MAPK4: variants seen among roughly 807,000 people sequenced by gnomAD.
MAPK4 encodes Erk3-related.
In MAPK4, 22 loss-of-function variants were observed where a neutral mutation model predicts 47.7. The ratio of observed to expected loss-of-function variants is 0.46; its 90% CI spans 0.33 to 0.66. The LOEUF (loss-of-function observed/expected upper bound fraction) is 0.66, where lower values mean the gene tolerates loss of function less well. Ranked by LOEUF, MAPK4 falls within the 30% of genes least tolerant of loss-of-function variation. The pLI, the probability that MAPK4 is intolerant of heterozygous loss-of-function variation, is 0.02. For missense variants in MAPK4, 736 were observed against 831.7 expected (o/e 0.88, Z 1.42); for synonymous variants, 390 against 365.7 (o/e 1.07, Z -0.76).
chr18:50,655,672 A>G (rs1302008465), intron 1 of MAPK4, among the ~76,000 whole-genome samples: 2 of 152,114 alleles, frequency 1.3e-5, no homozygotes, highest in African/African-American at 4.8e-5. Context: ...GCTGAGTCTC[A>G]ATGGTAAAGA....
chr18:50,708,181 T>TA (rs35690167), intron 2 of MAPK4, among the ~76,000 whole-genome samples: 17,981 of 152,130 alleles, frequency 0.12, 1,364 homozygotes, highest in Non-Finnish European at 0.17. Flanking sequence ...TATTCCTTTT[T>TA]AAAAAAGGTT....
In MAPK4 at chr18:50,664,000, T is replaced by A; in HGVS notation, c.42T>A (p.Tyr14Ter). 6.2e-7 allele frequency: 1 copy of A among 1,613,784 alleles called. No homozygotes were observed. Among genetic ancestry groups the A allele is most frequent in the Non-Finnish European group, 8.5e-7 (1 of 1,180,018 alleles). ...ACTGCATCGCCAGTGTCTATGGGTA[T>A]GACCTCGGTGGGCGCTTTGTTGACT... ...KGDCIASVYG[Y>*]DLGGRFVDFQ... The change falls in exon 2 of 6, where the codon TAT becomes TAA. Residue 14 changes from tyrosine (Y) to a stop codon, truncating the protein, a stop_gained. Coordinates refer to ENST00000400384, the MANE Select transcript of MAPK4 (RefSeq NM_002747.4). LOFTEE classifies it high-confidence loss of function.
intron 1 of MAPK4, among the ~76,000 whole-genome samples, chr18:50,624,617 G>T (rs75774955): frequency 2.0e-5 from 3 of 152,198 alleles, no homozygotes; most frequent in East Asian, 1.9e-4. Context: ...TGGATGTTAG[G>T]GTTATTCCAT....
At chr18:50,714,725 T>C (rs1910548396) in intron 2 of MAPK4, among the ~76,000 whole-genome samples, 1 of 152,250 alleles carries the variant, frequency 6.6e-6, no homozygotes, top group South Asian at 2.1e-4. Context: ...AGTAATGAAC[T>C]TGAGCAGGGC....
At chr18:50,621,726 TC>T (rs1261430961) in intron 1 of MAPK4, among the ~76,000 whole-genome samples, 1 of 152,220 alleles carries the variant, frequency 6.6e-6, no homozygotes, top group Non-Finnish European at 1.5e-5. Flanking sequence ...AAAACTTTTT[TC>T]CAGAAATGAA....
intron 2 of MAPK4, among the ~76,000 whole-genome samples, chr18:50,666,649 G>A (rs938151122): frequency 3.3e-5 from 5 of 152,116 alleles, no homozygotes; most frequent in African/African-American, 1.2e-4. Flanking sequence ...TTGATGTTCT[G>A]ACTTGCTCTT....
chr18:50,626,796 G>A (rs752245734), intron 1 of MAPK4, among the ~76,000 whole-genome samples: 2 of 152,118 alleles, frequency 1.3e-5, no homozygotes, highest in Non-Finnish European at 2.9e-5. Context: ...AGATGTTCAG[G>A]GGGCTCTGTA....
intron 1 of MAPK4, among the ~76,000 whole-genome samples, chr18:50,615,138 G>C (rs898675041): frequency 2.6e-5 from 4 of 152,152 alleles, no homozygotes; most frequent in Non-Finnish European, 5.9e-5. Context: ...CGCTCGTGCT[G>C]TGTCGGTGCC....
chr18:50,567,443 C>G (rs944820511), intron 1 of MAPK4, among the ~76,000 whole-genome samples: 1 of 152,212 alleles, frequency 6.6e-6, no homozygotes, highest in African/African-American at 2.4e-5. Context: ...AACTTTGTGT[C>G]TGTGCTTTTT....
chr18:50,561,042 C>T (rs1203235521), intron 1 of MAPK4, among the ~76,000 whole-genome samples: 1 of 152,220 alleles, frequency 6.6e-6, no homozygotes, highest in Non-Finnish European at 1.5e-5. Context: ...GTTCCAGGTG[C>T]GTCCCCGAAA....
rs1908421865 is a variant in MAPK4 at position 50,678,829 on chromosome 18, G to T, written c.546+14325G>T. ...AGCAGGAAAGGGGGAGCCATTCCTT[G>T]CCCTCCCTTTTGTGGCATGGCGGCC... On this transcript the variant is annotated intron_variant, in intron 2 of 5. Transcript: ENST00000400384. The surrounding 1 kb of genome is among the most constrained non-coding windows in gnomAD (Gnocchi z 4.2). Among the ~76,000 whole-genome samples, 1 of 152,130 alleles carries T rather than the reference G, an allele frequency of 6.6e-6. No homozygotes were observed. The highest frequency in any genetic ancestry group is 2.4e-5 in the African/African-American group (1 of 41,410).
At chr18:50,603,274 C>T (rs2042555603) in intron 1 of MAPK4, among the ~76,000 whole-genome samples, 1 of 152,156 alleles carries the variant, frequency 6.6e-6, no homozygotes, top group South Asian at 2.1e-4. Context: ...CCAGCTCTAC[C>T]AGCTTCCATC....
At chr18:50,575,909 T>C (rs2149360471) in intron 1 of MAPK4, among the ~76,000 whole-genome samples, 1 of 151,888 alleles carries the variant, frequency 6.6e-6, no homozygotes, top group Non-Finnish European at 1.5e-5. Context: ...AACATCACTA[T>C]TCATTAGGAA....
chr18:50,614,227 A>G (rs914308662), intron 1 of MAPK4, among the ~76,000 whole-genome samples: 2 of 152,116 alleles, frequency 1.3e-5, no homozygotes, highest in African/African-American at 4.8e-5. Flanking sequence ...ATGTTGCTTT[A>G]TATAACTAGT....
At chr18:50,639,338 T>C (rs1296624445) in intron 1 of MAPK4, among the ~76,000 whole-genome samples, 1 of 152,192 alleles carries the variant, frequency 6.6e-6, no homozygotes, top group Non-Finnish European at 1.5e-5. Context: ...TCTATGTAGT[T>C]TGCATCCTGA....
intron 1 of MAPK4, among the ~76,000 whole-genome samples, chr18:50,637,099 T>A (rs1227719459): frequency 2.6e-5 from 4 of 152,138 alleles, no homozygotes; most frequent in Non-Finnish European, 2.9e-5. Context: ...TTCATGCCCT[T>A]CTAAGACATC....
chr18:50,685,636 C>T (rs1197944791), intron 2 of MAPK4, among the ~76,000 whole-genome samples: 1 of 152,164 alleles, frequency 6.6e-6, no homozygotes, highest in Non-Finnish European at 1.5e-5. Flanking sequence ...CCCTTGCCAC[C>T]CATCTGGAGA....
intron 2 of MAPK4, among the ~76,000 whole-genome samples, chr18:50,680,716 A>G (rs1363756327): frequency 6.6e-6 from 1 of 152,188 alleles, no homozygotes; most frequent in Non-Finnish European, 1.5e-5. Flanking sequence ...CACTCAGCAT[A>G]ATGTTTTCAA....
Position 50,563,214 on chromosome 18 carries a change from G to A in MAPK4, c.-871+2971G>A, listed in dbSNP as rs191267039. On this transcript the variant is annotated intron_variant, in intron 1 of 5. Coordinates refer to ENST00000400384, the MANE Select transcript of MAPK4 (RefSeq NM_002747.4). ...ATAAGAAAAGGGGGAAAAACTATCC[G>A]GAATTTACAGAGAAAACAAACGGGC... 2.6e-5 allele frequency among the ~76,000 whole-genome samples: 4 copies of A among 152,284 alleles called. No homozygotes were observed. In the East Asian group the frequency reaches 5.8e-4, roughly 22 times the overall value.
Sources: allele counts gnomAD v4.1 joint callset (sites outside exome capture counted in the v4.1 genomes callset), GRCh38; gene constraint gnomAD v4.1.1; non-coding constraint Gnocchi (gnomAD v3.1); transcripts MANE v1.5; gene names NCBI Gene and HGNC (gene_info 2026-07-23, HGNC 2026-07-21).